The following MYO3B variants were observed in gnomAD, a reference collection of about 807,000 sequenced individuals.
MYO3B encodes the protein myosin IIIB, also known as myosin-IIIb.
Under a neutral mutation model 174.6 loss-of-function variants are expected in MYO3B, and 156 were observed. The ratio of observed to expected loss-of-function variants is 0.89; its 90% CI spans 0.78 to 1.02. The LOEUF (loss-of-function observed/expected upper bound fraction) is 1.02. Ranked by LOEUF, MYO3B falls within the 50% of genes least tolerant of loss-of-function variation. The pLI, the probability that MYO3B is intolerant of heterozygous loss-of-function variation, is 0.00. For synonymous variants in MYO3B, 563 were observed against 569.1 expected (o/e 0.99, Z 0.15); for missense variants, 1,632 against 1,639.4 (o/e 1.00, Z 0.08).
chr2:170,476,073 T>TC (rs56257378), intron 25 of MYO3B, among the ~76,000 whole-genome samples: 66,120 of 151,580 alleles, frequency 0.44, 17,141 homozygotes, highest in Non-Finnish European at 0.6. Context: ...GTGTTCCCTG[T>TC]CCCCCCCCAC....
At chr2:170,363,208 TATAA>T in intron 8 of MYO3B, among the ~76,000 whole-genome samples, 1 of 152,210 alleles carries the variant, frequency 6.6e-6, no homozygotes, top group South Asian at 2.1e-4. Flanking sequence ...ACAGAATATT[TATAA>T]AGAAATGAGA....
intron 23 of MYO3B, among the ~76,000 whole-genome samples, chr2:170,452,285 T>C (rs1436099439): frequency 6.6e-6 from 1 of 152,210 alleles, no homozygotes; most frequent in Non-Finnish European, 1.5e-5. Flanking sequence ...TTCCTGGGGT[T>C]CCATGAGGAA....
chr2:170,420,724 G>A (rs1289369091), intron 22 of MYO3B, among the ~76,000 whole-genome samples: 1 of 152,152 alleles, frequency 6.6e-6, no homozygotes, highest in African/African-American at 2.4e-5. Context: ...TGACTGAAAA[G>A]ATCATAAGTG....
intron 32 of MYO3B, among the ~76,000 whole-genome samples, chr2:170,587,536 T>C (rs1308146805): frequency 1.3e-5 from 2 of 152,214 alleles, no homozygotes; most frequent in African/African-American, 4.8e-5. Flanking sequence ...GCTATGATCT[T>C]GAAGAACAAG....
intron 7 of MYO3B, among the ~76,000 whole-genome samples, chr2:170,313,255 G>A (rs1293109880): frequency 1.3e-5 from 2 of 152,144 alleles, no homozygotes; most frequent in African/African-American, 4.8e-5. Context: ...TGTAAAATAA[G>A]GGTTATGACC....
At chr2:170,229,957 A>T (rs1420397758) in intron 6 of MYO3B, among the ~76,000 whole-genome samples, 2 of 152,212 alleles carry the variant, frequency 1.3e-5, no homozygotes, top group South Asian at 2.1e-4. Context: ...CTGTGCTTAC[A>T]GTAGAAAGGG....
At chr2:170,544,714 G>A (rs1690363563) in intron 32 of MYO3B, among the ~76,000 whole-genome samples, 1 of 152,170 alleles carries the variant, frequency 6.6e-6, no homozygotes. Flanking sequence ...ACAGTATGAA[G>A]TGGGAAATGC....
chr2:170,612,816 G>A (rs1038589610), intron 32 of MYO3B, among the ~76,000 whole-genome samples: 5 of 152,200 alleles, frequency 3.3e-5, no homozygotes, highest in African/African-American at 1.2e-4. Flanking sequence ...TTCAGGACAA[G>A]CAACCTTACT....
intron 7 of MYO3B, among the ~76,000 whole-genome samples, chr2:170,299,146 C>T (rs895928935): frequency 6.6e-6 from 1 of 152,144 alleles, no homozygotes; most frequent in Non-Finnish European, 1.5e-5. Flanking sequence ...TGGAACAACA[C>T]TACTATTTTT....
intron 22 of MYO3B, among the ~76,000 whole-genome samples, chr2:170,436,874 C>T (rs925204181): frequency 6.6e-6 from 1 of 152,166 alleles, no homozygotes. Flanking sequence ...AGTGATCACA[C>T]AGAGATTTGG....
At chr2:170,632,866 A>G (rs1697131289) in intron 32 of MYO3B, among the ~76,000 whole-genome samples, 1 of 152,186 alleles carries the variant, frequency 6.6e-6, no homozygotes, top group Non-Finnish European at 1.5e-5. Flanking sequence ...CTCTATGCAA[A>G]TAAACTAGAA....
Position 170,514,930 on chromosome 2 carries a change from C to G in MYO3B, c.3380C>G (p.Ser1127Ter), listed in dbSNP as rs755743678. The G allele has an allele frequency of 6.2e-7, 1 of 1,613,782 alleles. No homozygotes were observed. Among genetic ancestry groups the G allele is most frequent in the Admixed American group, 1.7e-5 (1 of 60,006 alleles). Residue 1127 changes from serine (S) to a stop codon, truncating the protein, a stop_gained, in exon 29 of 35, where the codon TCA becomes TGA. Coordinates refer to ENST00000408978, the MANE Select transcript of MYO3B (RefSeq NM_138995.5). LOFTEE classifies it high-confidence loss of function. ...SAAHNQAGDTSNQSSGPHSPV... is the reference protein window; with the variant it reads ...SAAHNQAGDT The stretch of plus-strand genomic sequence containing the variant: ...TTGTTTCATTCCACAGGGGACACTT[C>G]AAACCAAAGCAGTGGGCCACATTCC...
chr2:170,432,566 T>A (rs1020739554), intron 22 of MYO3B, among the ~76,000 whole-genome samples: 160 of 150,826 alleles, frequency 1.1e-3, no homozygotes, highest in African/African-American at 3.6e-3. Context: ...ATTTATTATT[T>A]AAAAAAAAAG....
rs765944089 is a variant in MYO3B at position 170,369,380 on chromosome 2, A to G, written c.971+3A>G. 49 of 1,610,942 alleles carry G rather than the reference A, an allele frequency of 3.0e-5. No homozygotes were observed. The highest frequency in any genetic ancestry group is 3.1e-5 in the Non-Finnish European group (36 of 1,178,262). On this transcript the variant is annotated splice_donor_region_variant and intron_variant, in intron 9 of 34. Transcript: ENST00000408978. Reference sequence around the variant, plus strand: ...CAAAATCCTGTTGCTAAAACCAGGTACTGTACTCTCTTTCTTCTTTCTCCC... The same window carrying G: ...CAAAATCCTGTTGCTAAAACCAGGTGCTGTACTCTCTTTCTTCTTTCTCCC...
intron 32 of MYO3B, among the ~76,000 whole-genome samples, chr2:170,634,441 T>C (rs1400571684): frequency 1.3e-5 from 2 of 152,066 alleles, no homozygotes; most frequent in African/African-American, 2.4e-5. Context: ...ACTGGATCCC[T>C]TCCTTACACC....
intron 6 of MYO3B, among the ~76,000 whole-genome samples, chr2:170,225,601 C>A (rs2105392204): frequency 1.3e-5 from 2 of 152,238 alleles, no homozygotes; most frequent in East Asian, 3.9e-4. Flanking sequence ...CTTGGCTCTG[C>A]CACTCATTTT....
intron 1 of MYO3B, among the ~76,000 whole-genome samples, chr2:170,195,407 C>T (rs1467877417): frequency 3.3e-5 from 5 of 152,050 alleles, no homozygotes; most frequent in Non-Finnish European, 7.4e-5. Context: ...AGGAATTCAG[C>T]TTGGGGTGGT....
intron 32 of MYO3B, among the ~76,000 whole-genome samples, chr2:170,578,175 A>T (rs1575190661): frequency 1.3e-5 from 2 of 152,330 alleles, no homozygotes; most frequent in Non-Finnish European, 2.9e-5. Context: ...TCTCCCCACA[A>T]CCCAGACAAG....
intron 22 of MYO3B, among the ~76,000 whole-genome samples, chr2:170,417,802 G>C (rs1367356480): frequency 3.3e-5 from 5 of 152,184 alleles, no homozygotes; most frequent in Admixed American, 1.3e-4. Flanking sequence ...CCCTACTCCA[G>C]TATGACCTCA....
Sources: allele counts gnomAD v4.1 joint callset (sites outside exome capture counted in the v4.1 genomes callset), GRCh38; gene constraint gnomAD v4.1.1; transcripts MANE v1.5; gene names NCBI Gene and HGNC (gene_info 2026-07-23, HGNC 2026-07-21).